The following TNNI3K variants were observed in gnomAD, a reference collection of about 807,000 sequenced individuals.
TNNI3K encodes the protein serine/threonine-protein kinase TNNI3K.
A neutral mutation model predicts 114.5 loss-of-function variants in TNNI3K; 140 were observed. The observed-to-expected ratio is 1.22, with a 90% CI of 1.07 to 1.41. The LOEUF (loss-of-function observed/expected upper bound fraction) is 1.41, where lower values mean the gene tolerates loss of function less well. Among genes scored for constraint, TNNI3K ranks in the 40% most tolerant of loss-of-function variants. The pLI, the probability that TNNI3K is intolerant of heterozygous loss-of-function variation, is 0.00. For synonymous variants in TNNI3K, 347 were observed against 347.5 expected (o/e 1.00, Z 0.02); for missense variants, 1,125 against 1,007.6 (o/e 1.12, Z -1.58).
chr1:74,248,653 C>G (rs1354234763), intron 2 of TNNI3K, among the ~76,000 whole-genome samples: 1 of 152,120 alleles, frequency 6.6e-6, no homozygotes, highest in East Asian at 1.9e-4. Context: ...AATTACACCT[C>G]AAAATGAAGG....
At chr1:74,431,355 A>T (rs552715535) in intron 17 of TNNI3K, among the ~76,000 whole-genome samples, 1 of 152,124 alleles carries the variant, frequency 6.6e-6, no homozygotes, top group East Asian at 1.9e-4. Context: ...TTTTATAATA[A>T]ATTCTTACAT....
intron 5 of TNNI3K, among the ~76,000 whole-genome samples, chr1:74,323,817 G>T (rs1659752577): frequency 6.6e-6 from 1 of 152,088 alleles, no homozygotes; most frequent in Non-Finnish European, 1.5e-5. Context: ...TAATACAAAA[G>T]AATTACAGGA....
chr1:74,274,606 A>G (rs1330290628), intron 5 of TNNI3K, among the ~76,000 whole-genome samples: 2 of 152,102 alleles, frequency 1.3e-5, no homozygotes, highest in Non-Finnish European at 2.9e-5. Flanking sequence ...GAAAAAATAT[A>G]TAAGCAATTC....
intron 17 of TNNI3K, among the ~76,000 whole-genome samples, chr1:74,432,086 A>ATGTG: frequency 6.6e-6 from 1 of 151,550 alleles, no homozygotes; most frequent in Middle Eastern, 3.4e-3. Context: ...GTGTGTGTGC[A>ATGTG]CACATGCATA....
At chr1:74,403,839 A>T (rs1483064030) in intron 17 of TNNI3K, among the ~76,000 whole-genome samples, 3 of 152,172 alleles carry the variant, frequency 2.0e-5, no homozygotes, top group African/African-American at 7.2e-5. Context: ...TGCTAATCAC[A>T]TTACCATGGA....
chr1:74,309,715 T>A (rs1362329248), intron 5 of TNNI3K, among the ~76,000 whole-genome samples: 1 of 152,060 alleles, frequency 6.6e-6, no homozygotes, highest in Non-Finnish European at 1.5e-5. Context: ...GAACAAATTA[T>A]CATCTCAATA....
rs763705905 is a variant in TNNI3K, at chr1:74,489,290, TG to T, written c.2181+43del. 7 of 1,590,192 alleles carry T rather than the reference TG, an allele frequency of 4.4e-6. No homozygotes were observed. In the South Asian group the frequency reaches 6.9e-5, roughly 16 times the overall value. ...CTGAAATATGTCCATAAAAAAGCCC[TG>T]CATATCCAAGGCTGTCAGGGAATGT... On this transcript the variant is annotated intron_variant, in intron 22 of 24. Coordinates refer to ENST00000326637, the MANE Select transcript of TNNI3K (RefSeq NM_015978.3).
At chr1:74,376,014 T>G (rs2100536622) in intron 17 of TNNI3K, among the ~76,000 whole-genome samples, 1 of 152,070 alleles carries the variant, frequency 6.6e-6, no homozygotes, top group East Asian at 1.9e-4. Context: ...GTCAGCTTAT[T>G]CTAGTGGGTA....
intron 11 of TNNI3K, among the ~76,000 whole-genome samples, chr1:74,365,344 C>A (rs1662212969): frequency 6.6e-6 from 1 of 152,106 alleles, no homozygotes; most frequent in Admixed American, 6.6e-5. Flanking sequence ...TAAAGCTCTA[C>A]ATCAGTCGCA....
intron 17 of TNNI3K, among the ~76,000 whole-genome samples, chr1:74,394,816 G>T (rs1318707559): frequency 6.6e-6 from 1 of 152,080 alleles, no homozygotes; most frequent in Non-Finnish European, 1.5e-5. Context: ...AGGCTGAGGC[G>T]GGTGGATCAT....
intron 5 of TNNI3K, among the ~76,000 whole-genome samples, chr1:74,310,508 A>G (rs995690884): frequency 3.9e-5 from 6 of 152,208 alleles, no homozygotes; most frequent in Non-Finnish European, 5.9e-5. Flanking sequence ...CTGAATAGCC[A>G]GAGAAGCCTA....
intron 11 of TNNI3K, among the ~76,000 whole-genome samples, chr1:74,362,986 C>T (rs546045318): frequency 3.3e-5 from 5 of 152,142 alleles, no homozygotes; most frequent in African/African-American, 9.6e-5. Context: ...AATAACATAG[C>T]GACCTTCTAT....
At chr1:74,503,925 T>G (rs562501287) in intron 23 of TNNI3K, among the ~76,000 whole-genome samples, 1 of 152,320 alleles carries the variant, frequency 6.6e-6, no homozygotes, top group Admixed American at 6.5e-5. Flanking sequence ...TGTTCCTGAA[T>G]GCCATCTTAT....
chr1:74,382,699 T>G (rs1230294745), intron 17 of TNNI3K, among the ~76,000 whole-genome samples: 1 of 152,184 alleles, frequency 6.6e-6, no homozygotes, highest in Non-Finnish European at 1.5e-5. Flanking sequence ...AACCCTTGTA[T>G]GTGAAGAACT....
intron 11 of TNNI3K, 40 bp from the exon 12 acceptor site, chr1:74,367,216 A>G: frequency 6.2e-7 from 1 of 1,603,278 alleles, no homozygotes; most frequent in Middle Eastern, 1.7e-4. Context: ...TAACTTAAAC[A>G]AAATTTAGGA....
At chr1:74,309,599 G>A (rs978056978) in intron 5 of TNNI3K, among the ~76,000 whole-genome samples, 2 of 151,840 alleles carry the variant, frequency 1.3e-5, no homozygotes, top group African/African-American at 2.4e-5. Flanking sequence ...ACATCAAAAG[G>A]ATAAATCACC....
intron 17 of TNNI3K, among the ~76,000 whole-genome samples, chr1:74,405,528 G>T (rs968235741): frequency 6.6e-6 from 1 of 152,186 alleles, no homozygotes; most frequent in Non-Finnish European, 1.5e-5. Flanking sequence ...GATATGCGGA[G>T]AACTAGAGAG....
chr1:74,281,453 G>A (rs969298898), intron 5 of TNNI3K, among the ~76,000 whole-genome samples: 9 of 151,422 alleles, frequency 5.9e-5, no homozygotes, highest in Admixed American at 1.3e-4. Context: ...TTTTGTTTCT[G>A]ATTTTACTGT....
At chr1:74,386,135 C>T (rs1454764798) in intron 17 of TNNI3K, among the ~76,000 whole-genome samples, 1 of 152,174 alleles carries the variant, frequency 6.6e-6, no homozygotes, top group Non-Finnish European at 1.5e-5. Context: ...TCCTCATTTG[C>T]CTTCCACCAT....
Sources: gnomAD v4.1 joint callset for allele counts (sites outside exome capture counted in the v4.1 genomes callset) on GRCh38, gnomAD v4.1.1 for gene constraint, MANE v1.5 for transcripts, NCBI Gene and HGNC (gene_info 2026-07-23, HGNC 2026-07-21) for gene names.